STK17B: variants seen among roughly 807,000 people sequenced by gnomAD.
STK17B encodes serine/threonine kinase 17b, also known as serine/threonine-protein kinase 17B.
STK17B carries 21 observed loss-of-function variants against 42.0 expected under a neutral mutation model. That is an observed-to-expected ratio of 0.50 (90% CI 0.35 to 0.72). STK17B has a LOEUF of 0.72. STK17B is among the 30% of genes least tolerant of loss of function. The pLI is 0.00. For synonymous variants in STK17B, 143 were observed against 148.4 expected, an observed-to-expected ratio of 0.96 and a Z score of 0.26; for missense variants, 349 against 446.0, an observed-to-expected ratio of 0.78 and a Z score of 1.96.
chr2:196,164,026 G>A (rs542837631), intron 1 of STK17B, among the ~76,000 whole-genome samples: 7 of 137,912 alleles, frequency 5.1e-5, no homozygotes, highest in East Asian at 3.9e-4. Flanking sequence ...GCAATAAAGC[G>A]AGATCTTATC....
chr2:196,153,401 G>A (rs1037465609), intron 3 of STK17B: 2 of 152,176 alleles, frequency 1.3e-5, no homozygotes, highest in Non-Finnish European at 2.9e-5. Context: ...AGAGAGGGGA[G>A]ATGCATATAT....
At position 196,137,645 on chromosome 2, in the gene STK17B, A is replaced by T. The variant is rs199777999; in HGVS notation, c.921T>A (p.Thr307=). The T allele has an allele frequency of 6.7e-5, 108 of 1,613,998 alleles. No homozygotes were observed. In the Admixed American group the frequency reaches 1.8e-3, roughly 27 times the overall value. Residue 307 remains threonine (T), a synonymous_variant, in exon 8 of 8, where the codon ACT becomes ACA. Transcript: ENST00000263955. ...DFENLFHPEE[T]SSSSQTQDHS... ...GATCCTGAGTTTGAGAGGAACTGGA[A>T]GTTTCTTCAGGGTGAAACAAGTTTT...
chr2:196,157,868 T>C (rs913371402), intron 2 of STK17B, among the ~76,000 whole-genome samples: 3 of 152,306 alleles, frequency 2.0e-5, no homozygotes, highest in Admixed American at 6.5e-5. Context: ...AAGGATTATT[T>C]TGGGAAATTA....
Position 196,136,925 on chromosome 2 carries a change from TTTGTAA to T in STK17B, c.*516_*521del, listed in dbSNP as rs1699414113. ...GAAAATCTTACGAAGTTTCAAAATA[TTTGTAA>T]TTGAAAGACATTTTCAATTGTAAAA... On this transcript the variant is annotated 3_prime_UTR_variant, in exon 8 of 8. Coordinates refer to ENST00000263955, the MANE Select transcript of STK17B (RefSeq NM_004226.4). 6.6e-6 allele frequency: 1 copy of T among 152,428 alleles called. No homozygotes were observed. Among genetic ancestry groups the T allele is most frequent in the Non-Finnish European group, 1.5e-5 (1 of 68,216 alleles). The allele number at this position is 152,428 out of a possible 1,614,324, so 9.4% of individuals were successfully genotyped here.
chr2:196,157,200 T>C lies in STK17B; in HGVS notation c.123-549A>G, dbSNP rs185566970. 1.7e-3 allele frequency among the ~76,000 whole-genome samples: 264 copies of C among 152,174 alleles called. 1 individual carries two copies. Among genetic ancestry groups the C allele is most frequent in the African/African-American group, 6.0e-3 (249 of 41,532 alleles). On this transcript the variant is annotated intron_variant, in intron 2 of 7. Transcript: ENST00000263955. ...TTATCATTGCAGGGAAATAATCTCA[T>C]TTGCACACCAACTCCATGCCATGCT...
rs766623901 is a variant in STK17B at position 196,150,655 on chromosome 2, T to C, written c.336-4600A>G. On this transcript the variant is annotated intron_variant, in intron 3 of 7. Coordinates refer to ENST00000263955, the MANE Select transcript of STK17B (RefSeq NM_004226.4). ...AACAAAGTAATATCTCAATTACCCA[T>C]AAAATGCAAATCTAGTCATATAGCT... Among the ~76,000 whole-genome samples, 4 of 152,186 alleles carry C rather than the reference T, an allele frequency of 2.6e-5. 1 individual carries two copies. The highest frequency in any genetic ancestry group is 9.6e-5 in the African/African-American group (4 of 41,460).
intron 1 of STK17B, among the ~76,000 whole-genome samples, chr2:196,164,175 C>T (rs1374826753): frequency 2.7e-5 from 4 of 150,114 alleles, no homozygotes; most frequent in Admixed American, 2.6e-4. Context: ...GTGGTAAATG[C>T]ACATATTGTG....
At chr2:196,145,806 C>T in intron 4 of STK17B, 105 bp downstream of exon 4, 1 of 1,203,494 alleles carries the variant, frequency 8.3e-7, no homozygotes, top group Non-Finnish European at 1.1e-6. Context: ...GTCTAGAAGA[C>T]CAGGAACCAA....
Position 196,135,877 on chromosome 2 carries a change from CTATCTATAGA to C in STK17B, c.*1560_*1569del, listed in dbSNP as rs1699395057. ...AAAGTGTCTAAAGAATGTATTGTAT[CTATCTATAGA>C]TATATACATACACCTGTACATACAC... On this transcript the variant is annotated 3_prime_UTR_variant, in exon 8 of 8. Coordinates refer to ENST00000263955, the MANE Select transcript of STK17B (RefSeq NM_004226.4). 9.4e-6 allele frequency: 1 copy of C among 106,840 alleles called. No homozygotes were observed. Among genetic ancestry groups the C allele is most frequent in the African/African-American group, 2.6e-5 (1 of 38,438 alleles). The allele number at this position is 106,840 out of a possible 1,614,324, so 6.6% of individuals were successfully genotyped here. A position where few individuals can be genotyped will look rare whatever the true frequency, so the allele number is the denominator to read the frequency against.
intron 5 of STK17B, among the ~76,000 whole-genome samples, chr2:196,142,601 T>G (rs1349780686): frequency 1.3e-5 from 2 of 152,232 alleles, no homozygotes; most frequent in Non-Finnish European, 2.9e-5. Context: ...GAGAAACTGT[T>G]TCCTAAAGCC....
At chr2:196,144,473 C>A (rs1164570992) in intron 4 of STK17B, among the ~76,000 whole-genome samples, 17 of 118,980 alleles carry the variant, frequency 1.4e-4, no homozygotes, top group Non-Finnish European at 2.0e-4. Flanking sequence ...GGCGACAGAG[C>A]GAGACTCTGT....
intron 2 of STK17B, among the ~76,000 whole-genome samples, chr2:196,158,777 C>T (rs1699773217): frequency 6.6e-6 from 1 of 151,834 alleles, no homozygotes; most frequent in East Asian, 1.9e-4. Flanking sequence ...TTGGGGAGGC[C>T]AAGGCGGGCA....
chr2:196,134,780 C>T lies in STK17B; in HGVS notation c.*2667G>A, dbSNP rs1164928475. 1 of 152,200 alleles carries T rather than the reference C, an allele frequency of 6.6e-6. No individual in the cohort carries two copies. Among genetic ancestry groups the T allele is most frequent in the African/African-American group, 2.4e-5 (1 of 41,454 alleles). 9.4% of individuals were successfully genotyped at this position (152,200 alleles called of 1,614,324 possible). A position where few individuals can be genotyped will look rare whatever the true frequency, so the allele number is the denominator to read the frequency against. On this transcript the variant is annotated 3_prime_UTR_variant, in exon 8 of 8. Coordinates refer to ENST00000263955, the MANE Select transcript of STK17B (RefSeq NM_004226.4). ...ATTATCACAACATAACACTTATCTT[C>T]TCATGTGTTCAAGTGTTACTGACAT...
At chr2:196,151,724 T>G (rs1210193721) in intron 3 of STK17B, among the ~76,000 whole-genome samples, 1 of 152,130 alleles carries the variant, frequency 6.6e-6, no homozygotes, top group African/African-American at 2.4e-5. Context: ...GTCTCATGGA[T>G]AGTGGTGATG....
intron 2 of STK17B, among the ~76,000 whole-genome samples, chr2:196,162,820 C>T (rs943595853): frequency 6.6e-6 from 1 of 151,994 alleles, no homozygotes; most frequent in African/African-American, 2.4e-5. Flanking sequence ...GCCCAGGAGA[C>T]AGGAGGTTGC....
chr2:196,162,068 G>T (rs373949025), intron 2 of STK17B, among the ~76,000 whole-genome samples: 1 of 152,082 alleles, frequency 6.6e-6, no homozygotes, highest in East Asian at 1.9e-4. Flanking sequence ...TTTACCTCCA[G>T]AACTAAAATC....
chr2:196,141,385 C>A, intron 5 of STK17B, 88 bp from the exon 6 acceptor site: 1 of 1,019,330 alleles, frequency 9.8e-7, no homozygotes, highest in South Asian at 1.4e-5. Flanking sequence ...TGGGACTGGG[C>A]ATGATGGCTC....
intron 1 of STK17B, among the ~76,000 whole-genome samples, chr2:196,168,618 A>C: frequency 6.6e-6 from 1 of 152,196 alleles, no homozygotes; most frequent in South Asian, 2.1e-4. Flanking sequence ...GGGATGAACC[A>C]AAATACAATG....
upstream of STK17B, among the ~76,000 whole-genome samples, chr2:196,174,832 G>A (rs535305541): frequency 6.6e-6 from 1 of 152,336 alleles, no homozygotes; most frequent in African/African-American, 2.4e-5. Context: ...AACACTATTA[G>A]CAAAGCTAAT....
Sources: allele counts gnomAD v4.1 joint callset (sites outside exome capture counted in the v4.1 genomes callset), GRCh38; gene constraint gnomAD v4.1.1; transcripts MANE v1.5; gene names NCBI Gene and HGNC (gene_info 2026-07-23, HGNC 2026-07-21).